SARM1: variants seen among roughly 807,000 people sequenced by gnomAD.
SARM1 encodes the protein sterile alpha and TIR motif containing 1.
SARM1 carries 60 observed loss-of-function variants against 65.1 expected under a neutral mutation model. The ratio of observed to expected loss-of-function variants is 0.92; its 90% CI spans 0.75 to 1.14. SARM1 has a LOEUF of 1.14. SARM1 is among the 50% of genes most tolerant of loss of function. The pLI, the probability that SARM1 is intolerant of heterozygous loss-of-function variation, is 0.00. For synonymous variants in SARM1, 417 were observed against 465.4 expected (o/e 0.90, Z 1.34); for missense variants, 913 against 1,015.7 (o/e 0.90, Z 1.37).
rs2067956542 is a variant in SARM1, at chr17:28,371,924, C to T, written c.-109C>T. 4.0e-6 allele frequency: 3 copies of T among 755,798 alleles called. No homozygotes were observed. Among genetic ancestry groups the T allele is most frequent in the East Asian group, 6.8e-5 (2 of 29,490 alleles). The allele number at this position is 755,798 out of a possible 1,614,324, so 46.8% of individuals were successfully genotyped here. On this transcript the variant is annotated 5_prime_UTR_variant, in exon 1 of 9. Coordinates refer to ENST00000585482, the MANE Select transcript of SARM1 (RefSeq NM_015077.4). Reference sequence around the variant, plus strand: ...TGGTACCCTTCTCTCCATTCCTCCCCCTCCATCTTCTTTCCCCGACCCCTC... The same window carrying T: ...TGGTACCCTTCTCTCCATTCCTCCCTCTCCATCTTCTTTCCCCGACCCCTC...
intron 5 of SARM1, among the ~76,000 whole-genome samples, chr17:28,387,359 A>C (rs578090133): frequency 1.3e-5 from 2 of 151,828 alleles, no homozygotes; most frequent in Non-Finnish European, 2.9e-5. Flanking sequence ...CAGCCTCCCA[A>C]GTAGCTAGAT....
rs1025002853 is a variant in SARM1, at chr17:28,384,422, T to A, written c.1155T>A (p.Thr385=). 9 of 1,612,868 alleles carry A rather than the reference T, an allele frequency of 5.6e-6. No individual in the cohort carries two copies. Among genetic ancestry groups the A allele is most frequent in the Non-Finnish European group, 7.6e-6 (9 of 1,179,402 alleles). ...KRLVSYSTNG[T]KSALAKRALR... is the part of the protein sequence containing the mutation. ...TGGTTTCCTACTCTACCAATGGCAC[T>A]AAGTCGGCGCTGGCCAAGCGCGCGC... Residue 385 remains threonine (T), a synonymous_variant, in exon 3 of 9, where the codon ACT becomes ACA. Transcript: ENST00000585482. This position sits in a 1 kb window ranked among gnomAD's most constrained non-coding sequence, Gnocchi z 4.4.
chr17:28,394,590 C>T (rs2068098875), intron 7 of SARM1, among the ~76,000 whole-genome samples: 1 of 152,188 alleles, frequency 6.6e-6, no homozygotes, highest in Non-Finnish European at 1.5e-5. Flanking sequence ...CGGGGGTGCC[C>T]ATGACACCCC....
Position 28,384,476 on chromosome 17 carries a change from G to A in SARM1, c.1209G>A (p.Arg403=), listed in dbSNP as rs782013885. 1.2e-6 allele frequency: 2 copies of A among 1,613,702 alleles called. No homozygotes were observed. The highest frequency in any genetic ancestry group is 2.2e-5 in the East Asian group (1 of 44,876). Residue 403 remains arginine, a synonymous_variant, in exon 3 of 9, where the codon CGG becomes CGA. Coordinates refer to ENST00000585482, the MANE Select transcript of SARM1 (RefSeq NM_015077.4). This position sits in a 1 kb window ranked among gnomAD's most constrained non-coding sequence, Gnocchi z 4.4. ...ALRLLGEEVP[R]PILPSVPSWK... ...GCCTGCTGGGCGAGGAGGTGCCACG[G>A]CCCATCCTGCCCTCCGTGCCCAGCT...
intron 1 of SARM1, among the ~76,000 whole-genome samples, chr17:28,375,078 G>A (rs1161191636): frequency 6.6e-6 from 1 of 151,348 alleles, no homozygotes; most frequent in Non-Finnish European, 1.5e-5. Flanking sequence ...CCATTGTCAA[G>A]GAGCCTAGGT....
chr17:28,381,300 C>G lies in SARM1; in HGVS notation c.568C>G (p.His190Asp), dbSNP rs1461091216. The change falls in exon 2 of 9, where the codon CAC (histidine) becomes GAC (aspartate). Residue 190 changes from histidine to aspartate, a missense_variant. This residue lies in a region of SARM1 where 862 missense variants were observed against 952.1 expected (regional missense o/e 0.91). Coordinates refer to ENST00000585482, the MANE Select transcript of SARM1 (RefSeq NM_015077.4). ...GCGGAGCGTGGCAGGCATCTTGGAG[C>G]ACATGTTCAAGCATTCGGAGGAGAC... ...LARSVAGILE[H>D]MFKHSEETCQ... 6.2e-7 allele frequency: 1 copy of G among 1,604,650 alleles called. No homozygotes were observed. The highest frequency in any genetic ancestry group is 1.3e-5 in the African/African-American group (1 of 74,958).
intron 7 of SARM1, among the ~76,000 whole-genome samples, chr17:28,390,398 C>T: frequency 6.6e-6 from 1 of 151,598 alleles, no homozygotes; most frequent in East Asian, 1.9e-4. Context: ...TCTCCTGAGT[C>T]CGGAAAGAAA....
chr17:28,379,299 C>CTTT lies in SARM1; in HGVS notation c.471-1877_471-1875dup, dbSNP rs1193480505. On this transcript the variant is annotated intron_variant, in intron 1 of 8. Transcript: ENST00000585482. The stretch of plus-strand genomic sequence containing the variant: ...AAAGGGTAATTTTCTCCATTTAGAT[C>CTTT]TTTTTTTTTTTTTTTTTTTTTTTTT... Among the ~76,000 whole-genome samples the CTTT allele has an allele frequency of 1.4e-3, 111 of 78,384 alleles. 6 individuals carry two copies. The highest frequency in any genetic ancestry group is 3.8e-3 in the African/African-American group (69 of 18,168). 51.4% of individuals were successfully genotyped at this position (78,384 alleles called of 152,430 possible).
At chr17:28,376,270 G>T (rs565370240) in intron 1 of SARM1, among the ~76,000 whole-genome samples, 1 of 151,972 alleles carries the variant, frequency 6.6e-6, no homozygotes. Context: ...AAATGAGAGT[G>T]TTGGCTGGCC....
intron 5 of SARM1, among the ~76,000 whole-genome samples, chr17:28,387,116 G>A (rs2068054375): frequency 6.6e-6 from 1 of 152,186 alleles, no homozygotes; most frequent in African/African-American, 2.4e-5. Context: ...AGTGAGTAGG[G>A]AGCCATGCAT....
rs2068224628 is a variant in SARM1, at chr17:28,403,920, G to A, written c.*7634G>A. ...TCCCAGCTACTAGAGAGGCCAAGGT[G>A]GGAGGATCATCTGGGCCCGGGGGAT... On this transcript the variant is annotated 3_prime_UTR_variant, in exon 9 of 9. Coordinates refer to ENST00000585482, the MANE Select transcript of SARM1 (RefSeq NM_015077.4). 6.5e-6 allele frequency: 1 copy of A among 152,808 alleles called. No individual in the cohort carries two copies. The highest frequency in any genetic ancestry group is 1.5e-5 in the Non-Finnish European group (1 of 68,542). 9.5% of individuals were successfully genotyped at this position (152,808 alleles called of 1,614,324 possible). A position where few individuals can be genotyped will look rare whatever the true frequency, so the allele number is the denominator to read the frequency against.
In SARM1 at chr17:28,399,424, C is replaced by T. The variant is rs1450540092; in HGVS notation, c.*3138C>T. 3.6e-6 allele frequency: 2 copies of T among 554,782 alleles called. No individual in the cohort carries two copies. Among genetic ancestry groups the T allele is most frequent in the Admixed American group, 3.1e-5 (1 of 32,658 alleles). The allele number at this position is 554,782 out of a possible 1,614,324, so 34.4% of individuals were successfully genotyped here. ...CTCCTGTCCCAAATAGCTCCTCTGC[C>T]ACCTGTCCTGCAGTGGGCCTGTGTG... On this transcript the variant is annotated 3_prime_UTR_variant, in exon 9 of 9. Coordinates refer to ENST00000585482, the MANE Select transcript of SARM1 (RefSeq NM_015077.4).
rs1302249763 is a variant in SARM1 at position 28,381,099 on chromosome 17, G to A, written c.471-104G>A. On this transcript the variant is annotated intron_variant, in intron 1 of 8. Coordinates refer to ENST00000585482, the MANE Select transcript of SARM1 (RefSeq NM_015077.4). ...GAGGGGAATGCTCTCCCCTATATGA[G>A]GCCGGTGAGGCCCAGAGAGGGTTAG... The A allele has an allele frequency of 3.7e-6, 5 of 1,359,000 alleles. 1 individual carries two copies. The Admixed American group carries it at 1.4e-4, about 39-fold the overall frequency. The allele number at this position is 1,359,000 out of a possible 1,614,324, so 84.2% of individuals were successfully genotyped here. A position where few individuals can be genotyped will look rare whatever the true frequency, so the allele number is the denominator to read the frequency against.
At chr17:28,380,565 C>T (rs189170221) in intron 1 of SARM1, among the ~76,000 whole-genome samples, 20 of 152,352 alleles carry the variant, frequency 1.3e-4, no homozygotes, top group Admixed American at 8.5e-4. Flanking sequence ...ACCTCAGCCC[C>T]TAGTGCAGTG....
rs1273911387 is a variant in SARM1, at chr17:28,385,178, C to T, written c.1533C>T (p.Asp511=). Reference sequence around the variant, plus strand: ...ACGGCCTGGTCAGCTGCGGCCTGGACCGCTCCCTGCTGCACCGCGTGTCTG... The same window carrying T: ...ACGGCCTGGTCAGCTGCGGCCTGGATCGCTCCCTGCTGCACCGCGTGTCTG... ...YTYGLVSCGL[D]RSLLHRVSEQ... The change falls in exon 5 of 9, where the codon GAC becomes GAT. Residue 511 remains aspartate, a synonymous_variant. Coordinates refer to ENST00000585482, the MANE Select transcript of SARM1 (RefSeq NM_015077.4). This position sits in a 1 kb window ranked among gnomAD's most constrained non-coding sequence, Gnocchi z 4.5. The T allele has an allele frequency of 8.7e-6, 14 of 1,610,092 alleles. No homozygotes were observed. Among genetic ancestry groups the T allele is most frequent in the African/African-American group, 1.3e-5 (1 of 74,896 alleles).
At position 28,384,622 on chromosome 17, in the gene SARM1, C is replaced by A; in HGVS notation, c.1302+53C>A. ...CGAGTCAGAGCGGGCGCCCTGTGCA[C>A]AGGGACTGCGTTCCCTCCCCGCCTC... On this transcript the variant is annotated intron_variant, in intron 3 of 8. Transcript: ENST00000585482. This position sits in a 1 kb window ranked among gnomAD's most constrained non-coding sequence, Gnocchi z 4.4. 6.7e-7 allele frequency: 1 copy of A among 1,481,594 alleles called. No homozygotes were observed. Among genetic ancestry groups the A allele is most frequent in the Non-Finnish European group, 9.1e-7 (1 of 1,098,166 alleles). 91.8% of individuals were successfully genotyped at this position (1,481,594 alleles called of 1,614,324 possible). A position where few individuals can be genotyped will look rare whatever the true frequency, so the allele number is the denominator to read the frequency against.
Position 28,401,152 on chromosome 17 carries a change from C to T in SARM1, c.*4866C>T, listed in dbSNP as rs41297107. On this transcript the variant is annotated 3_prime_UTR_variant, in exon 9 of 9. Transcript: ENST00000585482. ...GGATTAACTGCTGGTCTGATCAGTT[C>T]CAATATTCATAGCGGTGTCACCACT... 1.0e-3 allele frequency: 305 copies of T among 295,348 alleles called. 1 individual carries two copies. In the Middle Eastern group the frequency reaches 0.017, roughly 17 times the overall value. The allele number at this position is 295,348 out of a possible 1,614,324, so 18.3% of individuals were successfully genotyped here.
Position 28,400,220 on chromosome 17 carries a change from C to G in SARM1, c.*3934C>G, listed in dbSNP as rs41297115. On this transcript the variant is annotated 3_prime_UTR_variant, in exon 9 of 9. Transcript: ENST00000585482. ...ATGAAATATAATTCTTAATATCATA[C>G]AGGAAAAAGTCAGCGGGTCAAGCTA... The G allele has an allele frequency of 6.6e-4, 171 of 259,424 alleles. No individual in the cohort carries two copies. Among genetic ancestry groups the G allele is most frequent in the African/African-American group, 3.7e-3 (165 of 45,114 alleles). 16.1% of individuals were successfully genotyped at this position (259,424 alleles called of 1,614,324 possible).
At position 28,396,507 on chromosome 17, in the gene SARM1, A is replaced by C; in HGVS notation, c.*221A>C. The C allele has an allele frequency of 1.8e-6, 1 of 561,552 alleles. No individual in the cohort carries two copies. The highest frequency in any genetic ancestry group is 3.0e-5 in the East Asian group (1 of 33,076). 34.8% of individuals were successfully genotyped at this position (561,552 alleles called of 1,614,324 possible). On this transcript the variant is annotated 3_prime_UTR_variant, in exon 9 of 9. Coordinates refer to ENST00000585482, the MANE Select transcript of SARM1 (RefSeq NM_015077.4). Reference sequence around the variant, plus strand: ...TCAGGCTTGGGCACGGGAGGTTAGAACTCCCCCAGGCCCTGCCATTGGGTT... The same window carrying C: ...TCAGGCTTGGGCACGGGAGGTTAGACCTCCCCCAGGCCCTGCCATTGGGTT...
Sources: gnomAD v4.1 joint callset for allele counts (sites outside exome capture counted in the v4.1 genomes callset) on GRCh38, gnomAD v4.1.1 for gene constraint, gnomAD v4.1.1 regional missense constraint, Gnocchi (gnomAD v3.1) non-coding constraint, MANE v1.5 for transcripts, NCBI Gene and HGNC (gene_info 2026-07-23, HGNC 2026-07-21) for gene names.